The following PDZRN3 variants were observed in gnomAD, a reference collection of about 807,000 sequenced individuals.
The protein encoded by PDZRN3 is PDZ domain containing ring finger 3.
Under a neutral mutation model 85.7 loss-of-function variants are expected in PDZRN3, and 38 were observed. That is an observed-to-expected ratio of 0.44 (90% confidence interval 0.34 to 0.58). The LOEUF is 0.58. Ranked by LOEUF, PDZRN3 falls within the 20% of genes least tolerant of loss-of-function variation. PDZRN3 has a pLI of 0.01. For synonymous variants in PDZRN3, 759 were observed against 638.0 expected, an observed-to-expected ratio of 1.19 and a Z score of -2.86; for missense variants, 1,629 against 1,506.4, an observed-to-expected ratio of 1.08 and a Z score of -1.35.
At chr3:73,506,534 C>T (rs573022017) in intron 3 of PDZRN3, among the ~76,000 whole-genome samples, 1 of 152,206 alleles carries the variant, frequency 6.6e-6, no homozygotes, top group Admixed American at 6.5e-5. Context: ...CAATCAGCTA[C>T]TCAAATAATC....
chr3:73,394,300 C>A (rs747920203), intron 5 of PDZRN3, among the ~76,000 whole-genome samples: 22 of 152,124 alleles, frequency 1.4e-4, no homozygotes, highest in Non-Finnish European at 2.9e-4. Flanking sequence ...TAGTTCTGTT[C>A]CCAGTTAGTG....
At chr3:73,518,558 G>A (rs1408545786) in intron 3 of PDZRN3, among the ~76,000 whole-genome samples, 2 of 152,156 alleles carry the variant, frequency 1.3e-5, no homozygotes, top group East Asian at 3.9e-4. Flanking sequence ...AAAAAAGACT[G>A]AGGTATACCT....
At chr3:73,401,316 TC>T (rs1209727814) in intron 4 of PDZRN3, among the ~76,000 whole-genome samples, 1 of 152,152 alleles carries the variant, frequency 6.6e-6, no homozygotes, top group Non-Finnish European at 1.5e-5. Flanking sequence ...GATTTCTAAC[TC>T]CATCTCTACG....
intron 3 of PDZRN3, among the ~76,000 whole-genome samples, chr3:73,508,672 T>C (rs781468686): frequency 6.6e-6 from 1 of 152,220 alleles, no homozygotes; most frequent in African/African-American, 2.4e-5. Context: ...TAAATCCTGT[T>C]TTTAATTTTA....
chr3:73,394,360 C>G (rs1576029858), intron 5 of PDZRN3, among the ~76,000 whole-genome samples: 1 of 152,086 alleles, frequency 6.6e-6, no homozygotes, highest in Non-Finnish European at 1.5e-5. Context: ...GCGTAGAGCC[C>G]AATGCTGCGT....
chr3:73,504,067 T>C (rs775800452), intron 3 of PDZRN3, among the ~76,000 whole-genome samples: 1 of 152,220 alleles, frequency 6.6e-6, no homozygotes, highest in Non-Finnish European at 1.5e-5. Context: ...TATTTCTGCC[T>C]TCTTTATAAA....
At chr3:73,523,726 A>G (rs1331695894) in intron 3 of PDZRN3, among the ~76,000 whole-genome samples, 6 of 152,216 alleles carry the variant, frequency 3.9e-5, no homozygotes, top group Admixed American at 1.3e-4. Flanking sequence ...ATGGCTTCAT[A>G]AGACAAGCAT....
At chr3:73,457,148 C>A (rs919089385) in intron 3 of PDZRN3, among the ~76,000 whole-genome samples, 1 of 152,126 alleles carries the variant, frequency 6.6e-6, no homozygotes, top group African/African-American at 2.4e-5. Context: ...TCTCGGCTCA[C>A]CGCAACCTCC....
intron 1 of PDZRN3, among the ~76,000 whole-genome samples, chr3:73,615,834 A>G (rs1415560628): frequency 6.6e-6 from 1 of 152,188 alleles, no homozygotes; most frequent in African/African-American, 2.4e-5. Context: ...TTTCAAATGT[A>G]TACATCCAAT....
chr3:73,408,104 A>G lies in PDZRN3; in HGVS notation c.919-3709T>C, dbSNP rs943042249. The G allele has an allele frequency of 8.6e-6, 6 of 700,700 alleles. No individual in the cohort carries two copies. In the African/African-American group the frequency reaches 1.1e-4, roughly 12 times the overall value. 43.4% of individuals were successfully genotyped at this position (700,700 alleles called of 1,614,324 possible). On this transcript the variant is annotated intron_variant, in intron 3 of 9. Transcript: ENST00000263666. The stretch of plus-strand genomic sequence containing the variant: ...GCCCATGCAGTTTTCAATCAAATAC[A>G]GTTCAAATAAGCCCCTCCACAAGCC...
chr3:73,561,821 T>TAA (rs967018463), intron 3 of PDZRN3, among the ~76,000 whole-genome samples: 1 of 148,984 alleles, frequency 6.7e-6, no homozygotes, highest in African/African-American at 2.5e-5. Context: ...CAAGCAAACT[T>TAA]AAAAAAAAAA....
intron 3 of PDZRN3, among the ~76,000 whole-genome samples, chr3:73,519,101 T>C (rs1017640463): frequency 5.3e-5 from 8 of 152,104 alleles, no homozygotes; most frequent in African/African-American, 1.9e-4. Context: ...GACCCCAACC[T>C]CACTTATCTA....
chr3:73,575,264 G>A (rs774460235), intron 3 of PDZRN3, among the ~76,000 whole-genome samples: 17 of 152,148 alleles, frequency 1.1e-4, no homozygotes, highest in African/African-American at 1.7e-4. Flanking sequence ...TGCAGTTCAC[G>A]TCGGTGCCTG....
At chr3:73,394,554 A>C (rs1701598025) in intron 5 of PDZRN3, among the ~76,000 whole-genome samples, 1 of 152,198 alleles carries the variant, frequency 6.6e-6, no homozygotes, top group Non-Finnish European at 1.5e-5. Flanking sequence ...ATATTGGATG[A>C]ACAAATGCTG....
chr3:73,474,202 C>A (rs539813923), intron 3 of PDZRN3, among the ~76,000 whole-genome samples: 1 of 152,282 alleles, frequency 6.6e-6, no homozygotes, highest in East Asian at 1.9e-4. Context: ...TCAGAAGTTG[C>A]TATGGTTTTC....
intron 3 of PDZRN3, among the ~76,000 whole-genome samples, chr3:73,492,593 G>C (rs1164560735): frequency 6.6e-6 from 1 of 152,220 alleles, no homozygotes; most frequent in African/African-American, 2.4e-5. Flanking sequence ...TTAGAGAAGG[G>C]TGAAAAGATA....
intron 3 of PDZRN3, among the ~76,000 whole-genome samples, chr3:73,490,897 A>C (rs994448792): frequency 3.3e-5 from 5 of 152,222 alleles, no homozygotes; most frequent in Admixed American, 6.5e-5. Context: ...CCCTGGCCAG[A>C]GATAAGTGCA....
chr3:73,579,350 A>G (rs913107126), intron 3 of PDZRN3, among the ~76,000 whole-genome samples: 1 of 152,172 alleles, frequency 6.6e-6, no homozygotes, highest in Non-Finnish European at 1.5e-5. Flanking sequence ...GCATTTTATT[A>G]TAACAACCTA....
At chr3:73,437,621 A>T (rs528740594) in intron 3 of PDZRN3, among the ~76,000 whole-genome samples, 1 of 152,296 alleles carries the variant, frequency 6.6e-6, no homozygotes, top group South Asian at 2.1e-4. Context: ...CTCATGGTTG[A>T]GTTTCCATTC....
Sources: allele counts gnomAD v4.1 joint callset (sites outside exome capture counted in the v4.1 genomes callset), GRCh38; gene constraint gnomAD v4.1.1; transcripts MANE v1.5; gene names NCBI Gene and HGNC (gene_info 2026-07-23, HGNC 2026-07-21).